The following GIT2 variants were observed in gnomAD, a reference collection of about 807,000 sequenced individuals.
GIT2 encodes GIT ArfGAP 2.
A neutral mutation model predicts 100.3 loss-of-function variants in GIT2; 32 were observed. That is an observed-to-expected ratio of 0.32 (90% CI 0.24 to 0.43). The LOEUF (loss-of-function observed/expected upper bound fraction) is 0.43. Ranked by LOEUF, GIT2 falls within the 20% of genes least tolerant of loss-of-function variation. The probability of loss-of-function intolerance (pLI) is 1.00; values close to 1 mark genes in which losing one functional copy is unlikely to be tolerated. For missense variants in GIT2, 737 were observed against 975.1 expected (o/e 0.76, Z 3.25); for synonymous variants, 353 against 364.1 (o/e 0.97, Z 0.35).
At chr12:109,965,048 T>G (rs1016047915) in intron 9 of GIT2, among the ~76,000 whole-genome samples, 12 of 152,062 alleles carry the variant, frequency 7.9e-5, no homozygotes, top group African/African-American at 2.9e-4. Flanking sequence ...CAGCAGAAAT[T>G]TAAAAAGCAC....
chr12:109,958,264 C>CA (rs1555226942), intron 12 of GIT2, among the ~76,000 whole-genome samples: 3 of 147,096 alleles, frequency 2.0e-5, no homozygotes, highest in Non-Finnish European at 4.5e-5. Flanking sequence ...TTTTTTGAGA[C>CA]AGAGTCTCAC....
Position 109,934,764 on chromosome 12 carries a change from A to C in GIT2, c.2004-679T>G, listed in dbSNP as rs1052853339. 6.6e-6 allele frequency among the ~76,000 whole-genome samples: 1 copy of C among 152,152 alleles called. No individual in the cohort carries two copies. The highest frequency in any genetic ancestry group is 1.5e-5 in the Non-Finnish European group (1 of 68,022). On this transcript the variant is annotated intron_variant, in intron 18 of 19. Coordinates refer to ENST00000355312, the MANE Select transcript of GIT2 (RefSeq NM_057169.5). This position sits in a 1 kb window ranked among gnomAD's most constrained non-coding sequence, Gnocchi z 4.5. Reference sequence around the variant, plus strand: ...TGCACTTCACCTTTGTAACAAGTCTAGTTTCAAAACTATTATAATTAAAAC... The same window carrying C: ...TGCACTTCACCTTTGTAACAAGTCTCGTTTCAAAACTATTATAATTAAAAC...
At chr12:109,961,810 C>T in intron 9 of GIT2, 125 bp from the exon 10 acceptor site, 3 of 677,728 alleles carry the variant, frequency 4.4e-6, no homozygotes, top group Non-Finnish European at 8.0e-6. Flanking sequence ...TGGTACATAC[C>T]CACTGTTAAA....
intron 9 of GIT2, 89 bp from the exon 10 acceptor site, chr12:109,961,774 C>A (rs1320527204): frequency 1.3e-6 from 1 of 791,244 alleles, no homozygotes; most frequent in South Asian, 1.4e-5. Context: ...CCTTTTATTG[C>A]CTACGTCTTA....
chr12:109,995,901 A>G (rs962735187), intron 1 of GIT2, among the ~76,000 whole-genome samples: 4 of 152,180 alleles, frequency 2.6e-5, no homozygotes, highest in Admixed American at 6.5e-5. Context: ...TTGGGGGAGC[A>G]GCCCTGGCCC....
rs769030615 is a variant in GIT2 at position 109,934,992 on chromosome 12, C to A, written c.2004-907G>T. ...ACTCAGGAGGCTGAAGCAGGAGAATCGCTTGAACCCGGGAGGCAGAGGTTG... is the reference window on the plus strand; with the variant it reads ...ACTCAGGAGGCTGAAGCAGGAGAATAGCTTGAACCCGGGAGGCAGAGGTTG... On this transcript the variant is annotated intron_variant, in intron 18 of 19. Transcript: ENST00000355312. The surrounding 1 kb of genome is among the most constrained non-coding windows in gnomAD (Gnocchi z 4.5). Among the ~76,000 whole-genome samples the A allele has an allele frequency of 6.6e-6, 1 of 151,856 alleles. No individual in the cohort carries two copies. The highest frequency in any genetic ancestry group is 1.5e-5 in the Non-Finnish European group (1 of 67,972).
chr12:109,936,985 G>T (rs1873220443), intron 18 of GIT2, among the ~76,000 whole-genome samples: 1 of 152,124 alleles, frequency 6.6e-6, no homozygotes, highest in African/African-American at 2.4e-5. Context: ...GAGTGTGCTT[G>T]TAACCCGTGG....
rs553109561 is a variant in GIT2, at chr12:109,988,414, C to T, written c.405+549G>A. Among the ~76,000 whole-genome samples the T allele has an allele frequency of 3.5e-4, 53 of 151,972 alleles. 1 individual carries two copies. Among genetic ancestry groups the T allele is most frequent in the African/African-American group, 1.1e-3 (46 of 41,464 alleles). On this transcript the variant is annotated intron_variant, in intron 4 of 19. Coordinates refer to ENST00000355312, the MANE Select transcript of GIT2 (RefSeq NM_057169.5). ...AAAATATTAGCTGGGTATGGTAATG[C>T]GCCTGTAGTTCCAGCTACTCGGGAG...
Position 109,996,315 on chromosome 12 carries a change from T to TGCGGCGGCGCTG in GIT2, c.-103_-92dup. 1 of 887,432 alleles carries TGCGGCGGCGCTG rather than the reference T, an allele frequency of 1.1e-6. No homozygotes were observed. Among genetic ancestry groups the TGCGGCGGCGCTG allele is most frequent in the Non-Finnish European group, 1.7e-6 (1 of 591,930 alleles). The allele number at this position is 887,432 out of a possible 1,614,324, so 55.0% of individuals were successfully genotyped here. Reference sequence around the variant, plus strand: ...CGCTTCCGCTCTAACGGGTCCCAGCTGCGGCGGCGCTGACGGCGGCGCCTC... The same window carrying TGCGGCGGCGCTG: ...CGCTTCCGCTCTAACGGGTCCCAGCTGCGGCGGCGCTGGCGGCGGCGCTGACGGCGGCGCCTC... On this transcript the variant is annotated 5_prime_UTR_variant, in exon 1 of 20. Transcript: ENST00000355312.
intron 8 of GIT2, 89 bp from the exon 9 acceptor site, chr12:109,965,666 T>C (rs1593055087): frequency 1.1e-6 from 1 of 872,350 alleles, no homozygotes. Flanking sequence ...GATAAAAATA[T>C]TAATTACAGT....
chr12:109,988,223 C>G (rs902111727), intron 4 of GIT2, among the ~76,000 whole-genome samples: 2 of 152,162 alleles, frequency 1.3e-5, no homozygotes, highest in Non-Finnish European at 2.9e-5. Context: ...TGCCCTGAAC[C>G]TCCACTATAT....
chr12:109,964,977 GT>G (rs1223571666), intron 9 of GIT2, among the ~76,000 whole-genome samples: 1 of 152,110 alleles, frequency 6.6e-6, no homozygotes, highest in East Asian at 1.9e-4. Context: ...CTAAAGGGAG[GT>G]TGTGGCACAG....
At chr12:109,949,400 TA>T (rs945694421) in intron 14 of GIT2, among the ~76,000 whole-genome samples, 7 of 152,250 alleles carry the variant, frequency 4.6e-5, no homozygotes, top group African/African-American at 1.7e-4. Flanking sequence ...AACTTTATCC[TA>T]ACACTTTTCA....
chr12:109,944,437 G>A (rs747695661), intron 16 of GIT2, among the ~76,000 whole-genome samples: 10 of 152,162 alleles, frequency 6.6e-5, no homozygotes, highest in Admixed American at 1.3e-4. Flanking sequence ...CCCTTTCCAC[G>A]GCTTTCCCAG....
chr12:109,991,037 C>T (rs1233484342), intron 2 of GIT2, among the ~76,000 whole-genome samples: 3 of 152,316 alleles, frequency 2.0e-5, no homozygotes, highest in South Asian at 2.1e-4. Flanking sequence ...TGGCCGGGCG[C>T]GGTGGCTCAC....
At chr12:109,979,276 T>C (rs996795793) in intron 7 of GIT2, among the ~76,000 whole-genome samples, 1 of 136,192 alleles carries the variant, frequency 7.3e-6, no homozygotes, top group Non-Finnish European at 1.6e-5. Flanking sequence ...AAAAGGCTTT[T>C]TTTTTTTTTT....
At chr12:109,982,482 A>C (rs1274748478) in intron 6 of GIT2, 3 of 152,198 alleles carry the variant, frequency 2.0e-5, no homozygotes, top group East Asian at 3.8e-4. Flanking sequence ...TCTGTGGAAC[A>C]GAGTATTGTG....
chr12:109,982,941 T>G (rs1240905395), intron 6 of GIT2: 1 of 155,284 alleles, frequency 6.4e-6, no homozygotes, highest in Non-Finnish European at 1.4e-5. Context: ...CCACCATGCC[T>G]GGCCTAGAGT....
At chr12:109,970,275 C>T (rs150459308) in intron 7 of GIT2, among the ~76,000 whole-genome samples, 1 of 152,076 alleles carries the variant, frequency 6.6e-6, no homozygotes, top group East Asian at 1.9e-4. Context: ...GGGCAGTTCA[C>T]GAGGTCAGGC....
Sources: allele counts gnomAD v4.1 joint callset (sites outside exome capture counted in the v4.1 genomes callset), GRCh38; gene constraint gnomAD v4.1.1; non-coding constraint Gnocchi (gnomAD v3.1); transcripts MANE v1.5; gene names NCBI Gene and HGNC (gene_info 2026-07-23, HGNC 2026-07-21).